The following WHRN variants were observed in gnomAD, a reference collection of about 807,000 sequenced individuals.
WHRN encodes the protein CASK-interacting protein CIP98.
WHRN carries 41 observed loss-of-function variants against 68.3 expected under a neutral mutation model. The ratio of observed to expected loss-of-function variants is 0.60; its 90% CI spans 0.47 to 0.78. The LOEUF (loss-of-function observed/expected upper bound fraction) is 0.78. WHRN is among the 30% of genes least tolerant of loss of function. The pLI is 0.00. For synonymous variants in WHRN, 560 were observed against 561.3 expected (o/e 1.00, Z 0.03); for missense variants, 1,243 against 1,244.7 (o/e 1.00, Z 0.02).
At position 114,468,977 on chromosome 9, in the gene WHRN, C is replaced by G. The variant is rs142128615; in HGVS notation, c.838-2585G>C. Among the ~76,000 whole-genome samples the G allele has an allele frequency of 2.6e-5, 4 of 152,346 alleles. No individual in the cohort carries two copies. In the East Asian group the frequency reaches 7.7e-4, roughly 29 times the overall value. On this transcript the variant is annotated intron_variant, in intron 2 of 11. Transcript: ENST00000362057. ...TCAGGCTCCGGAGCCAGACTGCCAA[C>G]TTGCTAGGTATGTGGCCCCGGCCAA...
intron 8 of WHRN, 41 bp downstream of exon 8, chr9:114,407,906 C>T: frequency 6.5e-7 from 1 of 1,543,322 alleles, no homozygotes; most frequent in Middle Eastern, 1.8e-4. Flanking sequence ...GACCTGAGCA[C>T]ACCAGGGAGA....
At chr9:114,488,524 C>G (rs1169149133) in intron 1 of WHRN, among the ~76,000 whole-genome samples, 1 of 152,082 alleles carries the variant, frequency 6.6e-6, no homozygotes, top group Non-Finnish European at 1.5e-5. Context: ...CCAGGCCAAT[C>G]CTACACCTTG....
At chr9:114,416,590 T>TGAGACTGGGAAATTTATGAAGAAAAGAG (rs1284266286) in intron 7 of WHRN, among the ~76,000 whole-genome samples, 1 of 152,134 alleles carries the variant, frequency 6.6e-6, no homozygotes, top group Non-Finnish European at 1.5e-5. Flanking sequence ...CCTTCAAACT[T>TGAGACTGGGAAATTTATGAAGAAAAGAG]CCACCATAAT....
At chr9:114,420,359 C>A (rs1157662555) in intron 7 of WHRN, among the ~76,000 whole-genome samples, 1 of 152,176 alleles carries the variant, frequency 6.6e-6, no homozygotes, top group African/African-American at 2.4e-5. Flanking sequence ...AGACATTTGT[C>A]CCTGCTAAAG....
At position 114,413,827 on chromosome 9, in the gene WHRN, T is replaced by C. The variant is rs528136760; in HGVS notation, c.1627-5809A>G. On this transcript the variant is annotated intron_variant, in intron 7 of 11. Coordinates refer to ENST00000362057, the MANE Select transcript of WHRN (RefSeq NM_015404.4). ...GCTTCTGCATGAAGCCTTCCTGAGA[T>C]GGGGCAGAAGTCACTGCCTCCTTGT... is the stretch of plus-strand genomic sequence containing the variant. Among the ~76,000 whole-genome samples, 3 of 152,306 alleles carry C rather than the reference T, an allele frequency of 2.0e-5. No individual in the cohort carries two copies. The East Asian group carries it at 5.8e-4, about 29-fold the overall frequency.
At chr9:114,434,811 C>G (rs1410258507) in intron 3 of WHRN, among the ~76,000 whole-genome samples, 2 of 152,172 alleles carry the variant, frequency 1.3e-5, no homozygotes, top group African/African-American at 4.8e-5. Flanking sequence ...TCTCGTCACA[C>G]CCTCCTTTAA....
chr9:114,447,195 T>C (rs1263608072), intron 3 of WHRN, among the ~76,000 whole-genome samples: 1 of 152,136 alleles, frequency 6.6e-6, no homozygotes, highest in Admixed American at 6.5e-5. Context: ...ACTTCCTCTC[T>C]GCAGCCACAA....
chr9:114,500,846 G>C (rs192982366), intron 1 of WHRN, among the ~76,000 whole-genome samples: 3 of 152,220 alleles, frequency 2.0e-5, no homozygotes, highest in African/African-American at 7.2e-5. Flanking sequence ...GCTCTCGTCA[G>C]TACAGTGTAT....
intron 6 of WHRN, 110 bp from the exon 7 acceptor site, chr9:114,423,633 C>T (rs935848005): frequency 2.8e-6 from 3 of 1,066,134 alleles, no homozygotes; most frequent in South Asian, 1.6e-5. Context: ...TGCCTCCCCT[C>T]CTTAACTGTC....
At position 114,425,713 on chromosome 9, in the gene WHRN, AG is replaced by A. The variant is rs1836789026; in HGVS notation, c.1166+497del. ...GCCACCAGCCTGAGATTTCTGATGA[AG>A]ATCAAAAGGTGACACATTACACTGT... On this transcript the variant is annotated intron_variant, in intron 4 of 11. Transcript: ENST00000362057. The A allele has an allele frequency of 3.7e-5, 9 of 241,462 alleles. 1 individual carries two copies. In the South Asian group the frequency reaches 5.6e-4, roughly 15 times the overall value. The allele number at this position is 241,462 out of a possible 1,614,324, so 15.0% of individuals were successfully genotyped here. A position where few individuals can be genotyped will look rare whatever the true frequency, so the allele number is the denominator to read the frequency against.
At chr9:114,428,320 ACT>A (rs1589118103) in intron 3 of WHRN, among the ~76,000 whole-genome samples, 3 of 152,306 alleles carry the variant, frequency 2.0e-5, no homozygotes, top group East Asian at 3.9e-4. Flanking sequence ...ACAGAGCAAG[ACT>A]CTGTATTAAA....
intron 1 of WHRN, among the ~76,000 whole-genome samples, chr9:114,483,122 G>C (rs1250770950): frequency 1.3e-5 from 2 of 152,206 alleles, no homozygotes; most frequent in Non-Finnish European, 2.9e-5. Context: ...ATTCTTTAGG[G>C]ATAAATATGG....
At chr9:114,404,708 C>T (rs1457923602) in intron 9 of WHRN, among the ~76,000 whole-genome samples, 1 of 152,196 alleles carries the variant, frequency 6.6e-6, no homozygotes, top group East Asian at 1.9e-4. Context: ...CTGTGCAAGC[C>T]TGGGCAAGTA....
chr9:114,493,926 G>A (rs891691967), intron 1 of WHRN, among the ~76,000 whole-genome samples: 1 of 152,202 alleles, frequency 6.6e-6, no homozygotes, highest in Non-Finnish European at 1.5e-5. Flanking sequence ...CACCACGCTG[G>A]GCTGTATGCC....
At chr9:114,453,522 A>T (rs942756993) in intron 3 of WHRN, among the ~76,000 whole-genome samples, 2 of 152,240 alleles carry the variant, frequency 1.3e-5, no homozygotes, top group Non-Finnish European at 2.9e-5. Flanking sequence ...ATTTTATGGT[A>T]GTCCTAATGA....
At position 114,504,512 on chromosome 9, in the gene WHRN, AC is replaced by A; in HGVS notation, c.289del (p.Val97SerfsTer45). On this transcript the variant is annotated frameshift_variant, in exon 1 of 12. Transcript: ENST00000362057. LOFTEE classifies it high-confidence loss of function. The stretch of plus-strand genomic sequence containing the variant: ...GAGCAGCTGGTCGGAGCGCGGGATG[AC>A]CAGACGAAGCATGGGCAGCAGGCGC... ...KRRLLPMLRL[V>X]IPRSDQLLFD... The A allele has an allele frequency of 6.2e-7, 1 of 1,609,726 alleles. No individual in the cohort carries two copies. The highest frequency in any genetic ancestry group is 8.5e-7 in the Non-Finnish European group (1 of 1,179,796).
At chr9:114,438,671 G>T (rs560926127) in intron 3 of WHRN, among the ~76,000 whole-genome samples, 37 of 151,912 alleles carry the variant, frequency 2.4e-4, no homozygotes, top group African/African-American at 3.6e-4. Context: ...CAGGATGGTC[G>T]CTATCTCCTG....
chr9:114,465,653 G>A (rs934822373), intron 3 of WHRN, among the ~76,000 whole-genome samples: 9 of 152,214 alleles, frequency 5.9e-5, no homozygotes, highest in African/African-American at 2.2e-4. Context: ...AGCGTGCTAA[G>A]TGAGGGTTTT....
At chr9:114,490,898 C>T (rs1842920897) in intron 1 of WHRN, among the ~76,000 whole-genome samples, 1 of 152,230 alleles carries the variant, frequency 6.6e-6, no homozygotes, top group Admixed American at 6.5e-5. Flanking sequence ...ATTGATTCCT[C>T]TTTAATGCAA....
Sources: gnomAD v4.1 joint callset for allele counts (sites outside exome capture counted in the v4.1 genomes callset) on GRCh38, gnomAD v4.1.1 for gene constraint, MANE v1.5 for transcripts, NCBI Gene and HGNC (gene_info 2026-07-23, HGNC 2026-07-21) for gene names.